The following MRTFB variants were observed in gnomAD, a reference collection of about 807,000 sequenced individuals.
MRTFB encodes myocardin-related transcription factor B.
Under a neutral mutation model 104.2 loss-of-function variants are expected in MRTFB, and 29 were observed. The observed-to-expected ratio is 0.28, with a 90% confidence interval of 0.21 to 0.38. The LOEUF (loss-of-function observed/expected upper bound fraction) is 0.38. Ranked by LOEUF, MRTFB falls within the 10% of genes least tolerant of loss-of-function variation. The pLI is 1.00. For missense variants in MRTFB, 1,270 were observed against 1,341.6 expected (o/e 0.95, Z 0.83); for synonymous variants, 535 against 519.5 (o/e 1.03, Z -0.41).
Position 14,241,862 on chromosome 16 carries a change from G to A in MRTFB, c.1079+1378G>A, listed in dbSNP as rs556926948. On this transcript the variant is annotated intron_variant, in intron 10 of 16. Coordinates refer to ENST00000571589, the MANE Select transcript of MRTFB (RefSeq NM_001308142.2). ...TGGAAGGGAATCAGGGGATACCAAA[G>A]AGAATTGGAAGAGAATCACAGACAA... Among the ~76,000 whole-genome samples the A allele has an allele frequency of 2.6e-5, 4 of 152,058 alleles. No homozygotes were observed. In the South Asian group the frequency reaches 8.3e-4, roughly 32 times the overall value.
chr16:14,145,692 A>G (rs945526773), intron 3 of MRTFB, among the ~76,000 whole-genome samples: 1 of 152,264 alleles, frequency 6.6e-6, no homozygotes, highest in Non-Finnish European at 1.5e-5. Context: ...AAACACATGC[A>G]TAATCTACCT....
intron 3 of MRTFB, among the ~76,000 whole-genome samples, chr16:14,156,089 G>T (rs2038817385): frequency 6.6e-6 from 1 of 152,116 alleles, no homozygotes; most frequent in South Asian, 2.1e-4. Context: ...GGCAATTATG[G>T]GCTCATCTCA....
At chr16:14,022,705 G>A in the MRTFB span, among the ~76,000 whole-genome samples, 20 of 149,494 alleles carry the variant, frequency 1.3e-4, 1 homozygote, top group South Asian at 4.3e-4. Flanking sequence ...AAAACATTTC[G>A]TCAGTTCAGC....
intron 3 of MRTFB, among the ~76,000 whole-genome samples, chr16:14,209,339 T>A (rs1310533569): frequency 6.6e-6 from 1 of 152,220 alleles, no homozygotes; most frequent in Non-Finnish European, 1.5e-5. Context: ...TTAATCACTC[T>A]AATCTTGGTT....
intron 2 of MRTFB, among the ~76,000 whole-genome samples, chr16:14,107,702 C>G (rs549855125): frequency 4.4e-4 from 67 of 152,284 alleles, no homozygotes; most frequent in African/African-American, 1.6e-3. Flanking sequence ...AGATGAGCTC[C>G]TCCACCTCCG....
intron 2 of MRTFB, among the ~76,000 whole-genome samples, chr16:14,107,235 C>T (rs2036028672): frequency 6.6e-6 from 1 of 152,024 alleles, no homozygotes; most frequent in South Asian, 2.1e-4. Flanking sequence ...GACTCTGTCT[C>T]AAACAAAAAA....
intron 3 of MRTFB, among the ~76,000 whole-genome samples, chr16:14,175,490 T>C (rs2039550718): frequency 1.3e-5 from 2 of 152,244 alleles, no homozygotes. Flanking sequence ...ACTCATTTAT[T>C]CATTCATTAT....
At chr16:14,084,156 T>C (rs1238921842) in intron 2 of MRTFB, among the ~76,000 whole-genome samples, 3 of 152,222 alleles carry the variant, frequency 2.0e-5, no homozygotes, top group Non-Finnish European at 4.4e-5. Flanking sequence ...AAACTATAGG[T>C]CAACTGACTG....
intron 4 of MRTFB, among the ~76,000 whole-genome samples, chr16:14,211,025 A>G (rs1567173227): frequency 6.6e-6 from 1 of 152,180 alleles, no homozygotes; most frequent in Admixed American, 6.5e-5. Context: ...TCCAAGAGGT[A>G]ACTTATTCAG....
chr16:14,176,208 G>A (rs2150989980), intron 3 of MRTFB, among the ~76,000 whole-genome samples: 1 of 152,260 alleles, frequency 6.6e-6, no homozygotes, highest in East Asian at 1.9e-4. Context: ...AACTAGCCTG[G>A]ACTGCTAAAT....
intron 8 of MRTFB, among the ~76,000 whole-genome samples, chr16:14,220,437 C>A (rs1405747586): frequency 6.6e-6 from 1 of 152,188 alleles, no homozygotes; most frequent in Non-Finnish European, 1.5e-5. Flanking sequence ...ATTCCATGAT[C>A]ATTTCACCTG....
chr16:14,035,648 A>T, the MRTFB span, among the ~76,000 whole-genome samples: 1 of 152,142 alleles, frequency 6.6e-6, no homozygotes, highest in Non-Finnish European at 1.5e-5. Context: ...TGATGAGAAA[A>T]CTGAGGCTCT....
the MRTFB span, among the ~76,000 whole-genome samples, chr16:14,023,675 G>GTGTATATATA: frequency 3.4e-5 from 5 of 145,120 alleles, no homozygotes; most frequent in African/African-American, 1.3e-4. Flanking sequence ...GTGTGTGTGT[G>GTGTATATATA]TCTATATATA....
At chr16:14,051,563 C>A in the MRTFB span, among the ~76,000 whole-genome samples, 1 of 151,924 alleles carries the variant, frequency 6.6e-6, no homozygotes, top group Non-Finnish European at 1.5e-5. Context: ...ACAGTACACT[C>A]ATACAAATAC....
chr16:14,074,353 C>A (rs1233070420), intron 1 of MRTFB, among the ~76,000 whole-genome samples: 1 of 152,056 alleles, frequency 6.6e-6, no homozygotes, highest in Non-Finnish European at 1.5e-5. Flanking sequence ...AAAATATTCA[C>A]CTGTATGTAA....
chr16:14,244,044 ATTTTTTGTATT>A (rs1331383778), intron 10 of MRTFB, among the ~76,000 whole-genome samples: 1 of 151,684 alleles, frequency 6.6e-6, no homozygotes, highest in Non-Finnish European at 1.5e-5. Flanking sequence ...CGCCTGGCTA[ATTTTTTGTATT>A]TTTAAGTAGA....
the MRTFB span, among the ~76,000 whole-genome samples, chr16:14,050,247 T>A: frequency 6.6e-6 from 1 of 152,210 alleles, no homozygotes; most frequent in Non-Finnish European, 1.5e-5. Context: ...AGAGATTATT[T>A]TACAGTTCTT....
chr16:14,061,869 C>A, the MRTFB span, among the ~76,000 whole-genome samples: 3 of 152,008 alleles, frequency 2.0e-5, no homozygotes, highest in Non-Finnish European at 4.4e-5. Flanking sequence ...TAAGGTGGTT[C>A]CTGACATAGC....
chr16:14,134,704 C>G (rs938410651), intron 2 of MRTFB, among the ~76,000 whole-genome samples: 1 of 152,156 alleles, frequency 6.6e-6, no homozygotes, highest in Non-Finnish European at 1.5e-5. Context: ...CCCTCTTTCC[C>G]GTCTCCCATC....
Sources: allele counts gnomAD v4.1 joint callset (sites outside exome capture counted in the v4.1 genomes callset), GRCh38; gene constraint gnomAD v4.1.1; transcripts MANE v1.5; gene names NCBI Gene and HGNC (gene_info 2026-07-23, HGNC 2026-07-21).